The following DNASE2B variants were observed in gnomAD, a reference collection of about 807,000 sequenced individuals.
The protein encoded by DNASE2B is deoxyribonuclease-2-beta.
Under a neutral mutation model 46.0 loss-of-function variants are expected in DNASE2B, and 43 were observed. That is an observed-to-expected ratio of 0.94 (90% CI 0.73 to 1.21). DNASE2B has a LOEUF of 1.21. DNASE2B is among the 50% of genes most tolerant of loss of function. DNASE2B has a pLI of 0.00. For synonymous variants in DNASE2B, 156 were observed against 152.5 expected, an observed-to-expected ratio of 1.02 and a Z score of -0.17; for missense variants, 395 against 414.4, an observed-to-expected ratio of 0.95 and a Z score of 0.41.
chr1:84,409,644 G>C (rs558843899), intron 3 of DNASE2B, among the ~76,000 whole-genome samples: 25 of 152,182 alleles, frequency 1.6e-4, no homozygotes, highest in African/African-American at 5.5e-4. Context: ...TATTTACTGG[G>C]AACCCAACAA....
chr1:84,404,095 T>C (rs1006907729), intron 2 of DNASE2B, among the ~76,000 whole-genome samples: 6 of 151,932 alleles, frequency 3.9e-5, no homozygotes, highest in Non-Finnish European at 8.8e-5. Flanking sequence ...CATGAGACAC[T>C]GCACCCAGCC....
At chr1:84,413,003 A>T (rs1323906021) in intron 5 of DNASE2B, among the ~76,000 whole-genome samples, 2 of 103,844 alleles carry the variant, frequency 1.9e-5, no homozygotes, top group African/African-American at 8.1e-5. Context: ...TCCTTTTTGC[A>T]GGGTTTCTCC....
At chr1:84,403,682 T>C (rs1680455580) in intron 2 of DNASE2B, among the ~76,000 whole-genome samples, 1 of 152,172 alleles carries the variant, frequency 6.6e-6, no homozygotes, top group Non-Finnish European at 1.5e-5. Context: ...TTTTCATTTC[T>C]CCAAAAATGT....
chr1:84,398,504 G>A lies in DNASE2B; in HGVS notation c.-61G>A. 1 of 1,598,946 alleles carries A rather than the reference G, an allele frequency of 6.3e-7. No homozygotes were observed. Among genetic ancestry groups the A allele is most frequent in the Non-Finnish European group, 8.5e-7 (1 of 1,171,128 alleles). On this transcript the variant is annotated 5_prime_UTR_variant, in exon 1 of 6. Coordinates refer to ENST00000370665, the MANE Select transcript of DNASE2B (RefSeq NM_021233.3). The stretch of plus-strand genomic sequence containing the variant: ...ACGTCAGAGCCAGCACAGCCTGAGA[G>A]CGCCTTGAAACTCAGACTCCACAAT...
At chr1:84,402,121 C>T (rs1218367772) in intron 2 of DNASE2B, 43 bp downstream of exon 2, 2 of 1,535,920 alleles carry the variant, frequency 1.3e-6, no homozygotes, top group Non-Finnish European at 1.7e-6. Flanking sequence ...ATATAAAATG[C>T]ATAAAACTGA....
intron 2 of DNASE2B, 109 bp from the exon 3 acceptor site, chr1:84,408,328 A>C: frequency 7.3e-7 from 1 of 1,367,968 alleles, no homozygotes; most frequent in Non-Finnish European, 9.5e-7. Flanking sequence ...ATGACTTCTC[A>C]TGTGTATTAA....
intron 4 of DNASE2B, 136 bp from the exon 5 acceptor site, chr1:84,412,213 G>C: frequency 2.7e-6 from 2 of 728,592 alleles, no homozygotes; most frequent in Admixed American, 3.8e-5. Context: ...TTATTTGAAG[G>C]CTATTGGTTT....
intron 4 of DNASE2B, among the ~76,000 whole-genome samples, chr1:84,411,567 T>A (rs1330433622): frequency 6.6e-6 from 1 of 151,940 alleles, no homozygotes. Context: ...CCAGGCCACA[T>A]GTTCCTTGTA....
At position 84,407,478 on chromosome 1, in the gene DNASE2B, A is replaced by AT. The variant is rs1330470732; in HGVS notation, c.304-955dup. Among the ~76,000 whole-genome samples, 4 of 152,274 alleles carry AT rather than the reference A, an allele frequency of 2.6e-5. No homozygotes were observed. The East Asian group carries it at 5.8e-4, about 22-fold the overall frequency. ...GACTATGTTGTGCATTGAAAAAAAA[A>AT]TTTTATCACATCATATAATTAAGCA... On this transcript the variant is annotated intron_variant, in intron 2 of 5. Coordinates refer to ENST00000370665, the MANE Select transcript of DNASE2B (RefSeq NM_021233.3).
intron 5 of DNASE2B, among the ~76,000 whole-genome samples, chr1:84,414,230 AT>A (rs971244320): frequency 2.0e-5 from 3 of 152,000 alleles, no homozygotes; most frequent in African/African-American, 7.3e-5. Context: ...CTCTAGACTA[AT>A]TTTTTCCAAA....
At chr1:84,406,624 C>T (rs775621629) in intron 2 of DNASE2B, among the ~76,000 whole-genome samples, 8 of 152,112 alleles carry the variant, frequency 5.3e-5, no homozygotes, top group Non-Finnish European at 1.2e-4. Flanking sequence ...GGGAAAATGA[C>T]AGGAAAGGGA....
In DNASE2B at chr1:84,402,404, G is replaced by A. The variant is rs145998678; in HGVS notation, c.303+326G>A. On this transcript the variant is annotated intron_variant, in intron 2 of 5. Coordinates refer to ENST00000370665, the MANE Select transcript of DNASE2B (RefSeq NM_021233.3). ...TGCTTATTCATCTAATAGAAATAGG[G>A]AGAGGAGCCTCTGCTGTTACAGGGC... Among the ~76,000 whole-genome samples the A allele has an allele frequency of 7.2e-3, 1,098 of 152,328 alleles. 34 individuals carry two copies. Among genetic ancestry groups the A allele is most frequent in the South Asian group, 3.3e-3 (16 of 4,826 alleles).
chr1:84,408,368 T>G, intron 2 of DNASE2B, 69 bp from the exon 3 acceptor site: 1 of 1,511,000 alleles, frequency 6.6e-7, no homozygotes, highest in East Asian at 2.5e-5. Context: ...GCTGGGTAGC[T>G]GGTAGAAATG....
chr1:84,411,838 A>G (rs1387356293), intron 4 of DNASE2B, among the ~76,000 whole-genome samples: 1 of 152,222 alleles, frequency 6.6e-6, no homozygotes, highest in South Asian at 2.1e-4. Context: ...TCATGTAATG[A>G]TGCCGAATAT....
intron 2 of DNASE2B, among the ~76,000 whole-genome samples, chr1:84,405,011 C>T (rs1034927088): frequency 1.3e-5 from 2 of 152,164 alleles, no homozygotes; most frequent in Non-Finnish European, 2.9e-5. Context: ...GCATTAAAAA[C>T]CTGCTCAGGA....
At position 84,408,487 on chromosome 1, in the gene DNASE2B, G is replaced by C; in HGVS notation, c.354G>C (p.Val118=). 3.1e-6 allele frequency: 5 copies of C among 1,610,782 alleles called. No homozygotes were observed. Among genetic ancestry groups the C allele is most frequent in the Non-Finnish European group, 4.2e-6 (5 of 1,178,254 alleles). The change falls in exon 3 of 6, where the codon GTG becomes GTC. Residue 118 remains valine, a synonymous_variant. Coordinates refer to ENST00000370665, the MANE Select transcript of DNASE2B (RefSeq NM_021233.3). ...LIYNDGVPKP[V]NYSRKYGHTK... is the part of the protein sequence containing the mutation. ...ACAATGATGGAGTCCCTAAACCTGT[G>C]AATTACAGCAGAAAGTATGGACACA...
chr1:84,399,415 A>T (rs915131899), intron 1 of DNASE2B, among the ~76,000 whole-genome samples: 1 of 152,210 alleles, frequency 6.6e-6, no homozygotes, highest in Admixed American at 6.5e-5. Flanking sequence ...ACTGAGCTCA[A>T]CAGAGGTCTG....
At chr1:84,401,455 C>T (rs535511916) in intron 1 of DNASE2B, among the ~76,000 whole-genome samples, 1 of 152,298 alleles carries the variant, frequency 6.6e-6, no homozygotes, top group South Asian at 2.1e-4. Context: ...ATCTTCAAGG[C>T]AGAGTATTCG....
At chr1:84,405,413 C>CACA (rs2101849423) in intron 2 of DNASE2B, among the ~76,000 whole-genome samples, 1 of 152,316 alleles carries the variant, frequency 6.6e-6, no homozygotes, top group Non-Finnish European at 1.5e-5. Context: ...TTTCTTTTTT[C>CACA]ACAATGGCTC....
Sources: gnomAD v4.1 joint callset for allele counts (sites outside exome capture counted in the v4.1 genomes callset) on GRCh38, gnomAD v4.1.1 for gene constraint, MANE v1.5 for transcripts, NCBI Gene and HGNC (gene_info 2026-07-23, HGNC 2026-07-21) for gene names.